ZFHX3: variants seen among roughly 807,000 people sequenced by gnomAD.
ZFHX3 encodes zinc finger homeobox protein 3.
In ZFHX3, 42 loss-of-function variants were observed where a neutral mutation model predicts 279.1. The observed-to-expected ratio is 0.15, with a 90% CI of 0.12 to 0.19. ZFHX3 has a LOEUF of 0.19. Ranked by LOEUF, ZFHX3 falls within the 10% of genes least tolerant of loss-of-function variation. The pLI is 1.00. For synonymous variants in ZFHX3, 2,293 were observed against 1,957.8 expected (o/e 1.17, Z -4.52); for missense variants, 4,981 against 4,754.0 (o/e 1.05, Z -1.40).
chr16:73,385,994 G>A (rs538328119), intron 3 of ZFHX3, among the ~76,000 whole-genome samples: 32 of 152,194 alleles, frequency 2.1e-4, no homozygotes, highest in Non-Finnish European at 1.0e-4. Context: ...AATGGTGGGG[G>A]GTGGGGGGTT....
chr16:73,172,150 T>C (rs1043522145), intron 5 of ZFHX3, among the ~76,000 whole-genome samples: 3 of 152,142 alleles, frequency 2.0e-5, no homozygotes, highest in African/African-American at 7.2e-5. Context: ...GAAAAGAGCA[T>C]GTTCGGCCTT....
chr16:73,830,330 G>A (rs1292224364), intron 1 of ZFHX3, among the ~76,000 whole-genome samples: 1 of 149,708 alleles, frequency 6.7e-6, no homozygotes, highest in African/African-American at 2.5e-5. Flanking sequence ...GATGAACCCG[G>A]TACCTCAGAT....
intron 2 of ZFHX3, among the ~76,000 whole-genome samples, chr16:73,578,999 C>T (rs548715235): frequency 6.6e-6 from 1 of 152,300 alleles, no homozygotes; most frequent in Non-Finnish European, 1.5e-5. Flanking sequence ...TTACACTCTC[C>T]TCCCATTTGG....
At chr16:73,380,609 C>G (rs1220600660) in intron 3 of ZFHX3, among the ~76,000 whole-genome samples, 1 of 152,178 alleles carries the variant, frequency 6.6e-6, no homozygotes, top group Non-Finnish European at 1.5e-5. Context: ...GCTTCACTCT[C>G]TACTAGCATT....
rs752259921 is a variant in ZFHX3, at chr16:72,787,542, G to C, written c.10734C>G (p.Phe3578Leu). 6.2e-7 allele frequency: 1 copy of C among 1,614,084 alleles called. No homozygotes were observed. The highest frequency in any genetic ancestry group is 1.1e-5 in the South Asian group (1 of 91,080). The change falls in exon 10 of 10, where the codon TTC (phenylalanine) becomes TTG (leucine). Residue 3578 changes from phenylalanine (F) to leucine (L), a missense_variant. Phe to Leu is a conservative substitution (Grantham distance 22). Around this residue, in one of 7 missense-constraint regions of ZFHX3, gnomAD observed 1,034 missense variants for 786.0 expected, o/e 1.32. Transcript: ENST00000268489. ...AGGTAGATGCGGTGCTAGGATCGGG[G>C]AAGCAGGCAGAGTGAGGTAATAAAC... ...HPSLLPHSAC[F>L]PDPSTASTSQ... is the part of the protein sequence containing the mutation.
chr16:73,501,669 G>A (rs111785918), intron 2 of ZFHX3, among the ~76,000 whole-genome samples: 27 of 152,280 alleles, frequency 1.8e-4, no homozygotes, highest in African/African-American at 5.5e-4. Flanking sequence ...CATTTATTGA[G>A]AACATCTTAG....
chr16:73,284,316 CAAAAAAA>C (rs71156152), intron 4 of ZFHX3, among the ~76,000 whole-genome samples: 1 of 83,306 alleles, frequency 1.2e-5, no homozygotes, highest in Non-Finnish European at 2.2e-5. Flanking sequence ...GACTCTGTCT[CAAAAAAA>C]AAAAAAAAAA....
At chr16:73,332,057 T>C (rs755233182) in intron 3 of ZFHX3, among the ~76,000 whole-genome samples, 1 of 152,254 alleles carries the variant, frequency 6.6e-6, no homozygotes, top group Non-Finnish European at 1.5e-5. Flanking sequence ...TCAGACAACG[T>C]GGCTTTTATA....
At position 73,507,888 on chromosome 16, in the gene ZFHX3, A is replaced by G. The variant is rs144300450; in HGVS notation, c.-1546-51630T>C. Among the ~76,000 whole-genome samples, 711 of 152,294 alleles carry G rather than the reference A, an allele frequency of 4.7e-3. 3 individuals carry two copies. Among genetic ancestry groups the G allele is most frequent in the Non-Finnish European group, 7.3e-3 (498 of 68,026 alleles). On this transcript the variant is annotated intron_variant, in intron 2 of 17. Transcript: ENST00000641206. ...CCGTCAATAAAATGGAATCATTATA[A>G]TGAGTTTGCACAATTTTTGTGAGAT...
rs116270164 is a variant in ZFHX3 at position 72,935,782 on chromosome 16, C to T, written c.3216+14687G>A. ...TTTGCCATCAAATCATCAGGCGACA[C>T]TTGCTGATAGTCTACCTAATATCCC... On this transcript the variant is annotated intron_variant, in intron 3 of 9. Coordinates refer to ENST00000268489, the MANE Select transcript of ZFHX3 (RefSeq NM_006885.4). Among the ~76,000 whole-genome samples the T allele has an allele frequency of 4.0e-3, 613 of 151,794 alleles. 7 individuals are homozygous for T. The highest frequency in any genetic ancestry group is 0.014 in the African/African-American group (579 of 41,360).
chr16:73,626,709 T>G (rs193208828), intron 2 of ZFHX3, among the ~76,000 whole-genome samples: 33 of 152,304 alleles, frequency 2.2e-4, no homozygotes, highest in Admixed American at 2.0e-3. Flanking sequence ...ATGTCCAACT[T>G]GAGGCTTCCT....
intron 4 of ZFHX3, among the ~76,000 whole-genome samples, chr16:72,839,238 C>A (rs1293129883): frequency 6.6e-6 from 1 of 151,602 alleles, no homozygotes; most frequent in Non-Finnish European, 1.5e-5. Flanking sequence ...AAAAATTACA[C>A]TTCAATGTCA....
At chr16:73,629,942 G>T (rs997255176) in intron 2 of ZFHX3, among the ~76,000 whole-genome samples, 3 of 152,122 alleles carry the variant, frequency 2.0e-5, no homozygotes, top group Non-Finnish European at 4.4e-5. Context: ...GCAAGCTCTT[G>T]ATGTAAATGA....
chr16:73,781,693 T>C (rs536419085), intron 1 of ZFHX3, among the ~76,000 whole-genome samples: 3 of 152,150 alleles, frequency 2.0e-5, no homozygotes, highest in African/African-American at 2.4e-5. Flanking sequence ...TGATCCTCTA[T>C]TTAATAAACA....
chr16:72,948,640 G>A (rs963855709), intron 3 of ZFHX3, among the ~76,000 whole-genome samples: 2 of 152,076 alleles, frequency 1.3e-5, no homozygotes, highest in South Asian at 2.1e-4. Flanking sequence ...AGAGTTAATC[G>A]CCACCGTGTG....
At chr16:73,259,671 G>A (rs1037277352) in intron 4 of ZFHX3, among the ~76,000 whole-genome samples, 2 of 152,050 alleles carry the variant, frequency 1.3e-5, no homozygotes, top group Non-Finnish European at 1.5e-5. Context: ...TTCTTTGAAC[G>A]TAAAAAAATA....
intron 2 of ZFHX3, among the ~76,000 whole-genome samples, chr16:73,573,463 CA>C (rs199513115): frequency 5.4e-5 from 8 of 149,154 alleles, no homozygotes; most frequent in Admixed American, 4.0e-4. Flanking sequence ...GTTTTGCCTG[CA>C]AAAAAAAAGA....
rs188892592 is a variant in ZFHX3, at chr16:73,796,870, C to T, written c.-1608+94781G>A. On this transcript the variant is annotated intron_variant, in intron 1 of 17. Coordinates refer to the ZFHX3 transcript ENST00000641206. ...TGGGGCTGTAACATGTCCTGGATCC[C>T]TTGCACTGAAGAGCTTCCAGGCTGA... is the stretch of plus-strand genomic sequence containing the variant. Among the ~76,000 whole-genome samples the T allele has an allele frequency of 2.6e-4, 39 of 152,268 alleles. 1 individual carries two copies. The East Asian group carries it at 6.8e-3, about 26-fold the overall frequency.
intron 1 of ZFHX3, among the ~76,000 whole-genome samples, chr16:73,777,272 G>C (rs1032233211): frequency 2.0e-5 from 3 of 152,072 alleles, no homozygotes; most frequent in Non-Finnish European, 4.4e-5. Context: ...AGGAGGCCAA[G>C]GCAGGAGGAT....
Sources: allele counts gnomAD v4.1 joint callset (sites outside exome capture counted in the v4.1 genomes callset), GRCh38; gene constraint gnomAD v4.1.1; regional missense constraint gnomAD v4.1.1; transcripts MANE v1.5; gene names NCBI Gene and HGNC (gene_info 2026-07-23, HGNC 2026-07-21).